The following NXPH1 variants were observed in gnomAD, a reference collection of about 807,000 sequenced individuals.
NXPH1 encodes the protein neurexophilin-1.
NXPH1 carries 5 observed loss-of-function variants against 23.7 expected under a neutral mutation model. That is an observed-to-expected ratio of 0.21 (90% confidence interval 0.11 to 0.44). The LOEUF (loss-of-function observed/expected upper bound fraction) is 0.44, where lower values mean the gene tolerates loss of function less well. Ranked by LOEUF, NXPH1 falls within the 20% of genes least tolerant of loss-of-function variation. The pLI, the probability that NXPH1 is intolerant of heterozygous loss-of-function variation, is 0.99. For synonymous variants in NXPH1, 144 were observed against 122.2 expected, an observed-to-expected ratio of 1.18 and a Z score of -1.18; for missense variants, 324 against 321.6, an observed-to-expected ratio of 1.01 and a Z score of -0.06.
chr7:8,620,426 C>T (rs1209360314), intron 2 of NXPH1, among the ~76,000 whole-genome samples: 4 of 152,168 alleles, frequency 2.6e-5, no homozygotes, highest in Admixed American at 6.5e-5. Flanking sequence ...GCTGCCTCTT[C>T]TTGTCATGGT....
chr7:8,598,197 G>T (rs944626233), intron 2 of NXPH1, among the ~76,000 whole-genome samples: 6 of 152,144 alleles, frequency 3.9e-5, no homozygotes, highest in African/African-American at 1.4e-4. Flanking sequence ...CCATGAAATT[G>T]TTCAATTATT....
chr7:8,573,613 A>T (rs1405085068), intron 2 of NXPH1, among the ~76,000 whole-genome samples: 5 of 152,156 alleles, frequency 3.3e-5, no homozygotes, highest in Admixed American at 2.6e-4. Flanking sequence ...CAGGTTATGG[A>T]AGCTCTTAAA....
chr7:8,725,213 G>C (rs1780030740), intron 2 of NXPH1, among the ~76,000 whole-genome samples: 1 of 152,206 alleles, frequency 6.6e-6, no homozygotes, highest in South Asian at 2.1e-4. Context: ...TTGTAGGACA[G>C]GCGCTGTGAC....
At chr7:8,743,865 C>T (rs949840968) in intron 2 of NXPH1, among the ~76,000 whole-genome samples, 5 of 151,676 alleles carry the variant, frequency 3.3e-5, no homozygotes, top group Non-Finnish European at 5.9e-5. Flanking sequence ...TTTGTATTTT[C>T]AGTAGAGACG....
At chr7:8,595,997 C>T (rs1562417998) in intron 2 of NXPH1, among the ~76,000 whole-genome samples, 1 of 151,924 alleles carries the variant, frequency 6.6e-6, no homozygotes, top group African/African-American at 2.4e-5. Context: ...ATTCGGATCC[C>T]TTTAAAAAAT....
At chr7:8,587,443 G>A (rs1819001696) in intron 2 of NXPH1, among the ~76,000 whole-genome samples, 1 of 152,176 alleles carries the variant, frequency 6.6e-6, no homozygotes, top group African/African-American at 2.4e-5. Flanking sequence ...ATCCAAAATA[G>A]CTGGGACTAT....
chr7:8,541,232 A>G (rs1818112093), intron 2 of NXPH1, among the ~76,000 whole-genome samples: 1 of 151,740 alleles, frequency 6.6e-6, no homozygotes, highest in Non-Finnish European at 1.5e-5. Flanking sequence ...AAAAAGACCT[A>G]AATTAAACTC....
chr7:8,450,720 C>A (rs187077538), intron 2 of NXPH1, among the ~76,000 whole-genome samples: 2 of 152,310 alleles, frequency 1.3e-5, no homozygotes, highest in East Asian at 3.9e-4. Context: ...CATCTTTCAC[C>A]TTTATGTGGA....
chr7:8,747,886 A>T (rs533785246), intron 2 of NXPH1, among the ~76,000 whole-genome samples: 2 of 152,230 alleles, frequency 1.3e-5, no homozygotes, highest in Non-Finnish European at 2.9e-5. Flanking sequence ...ATCTTTTGAA[A>T]TGCAGTACCT....
intron 2 of NXPH1, among the ~76,000 whole-genome samples, chr7:8,669,246 C>G (rs951072555): frequency 6.6e-6 from 1 of 152,130 alleles, no homozygotes; most frequent in Non-Finnish European, 1.5e-5. Context: ...GTCCCAAGAC[C>G]AGGAGTGCTT....
chr7:8,594,158 C>A (rs1049798269), intron 2 of NXPH1, among the ~76,000 whole-genome samples: 4 of 152,036 alleles, frequency 2.6e-5, no homozygotes, highest in Non-Finnish European at 4.4e-5. Context: ...CTCCACCCCC[C>A]ACGTTTACTT....
intron 2 of NXPH1, among the ~76,000 whole-genome samples, chr7:8,531,948 G>A (rs572354313): frequency 5.3e-5 from 8 of 152,188 alleles, no homozygotes; most frequent in South Asian, 4.2e-4. Context: ...CTGATCCTTC[G>A]TCTCCTTAGG....
intron 2 of NXPH1, among the ~76,000 whole-genome samples, chr7:8,482,236 T>C: frequency 6.6e-6 from 1 of 152,090 alleles, no homozygotes; most frequent in East Asian, 1.9e-4. Context: ...CCCAAATGAG[T>C]GTGTGGAATC....
chr7:8,467,587 A>T (rs2128607801), intron 2 of NXPH1, among the ~76,000 whole-genome samples: 1 of 152,252 alleles, frequency 6.6e-6, no homozygotes, highest in African/African-American at 2.4e-5. Context: ...AGGGATATAT[A>T]GCGGTGGGGG....
In NXPH1 at chr7:8,485,615, G is replaced by C. The variant is rs115457970; in HGVS notation, c.54+49848G>C. 1.5e-3 allele frequency among the ~76,000 whole-genome samples: 225 copies of C among 152,206 alleles called. 1 individual carries two copies. The highest frequency in any genetic ancestry group is 5.2e-3 in the African/African-American group (217 of 41,530). On this transcript the variant is annotated intron_variant, in intron 2 of 2. Transcript: ENST00000405863. ...AGGAGATAGGTAGGGGTGGAGGTGG[G>C]ATAGACTAGAGGTATAGTATTTTGC... is the stretch of plus-strand genomic sequence containing the variant.
intron 2 of NXPH1, among the ~76,000 whole-genome samples, chr7:8,626,999 C>T (rs1003372851): frequency 1.3e-5 from 2 of 152,080 alleles, no homozygotes; most frequent in Non-Finnish European, 2.9e-5. Flanking sequence ...CCTGTGAACG[C>T]CTCTGACTTT....
At chr7:8,627,843 A>G (rs1475842689) in intron 2 of NXPH1, among the ~76,000 whole-genome samples, 1 of 152,156 alleles carries the variant, frequency 6.6e-6, no homozygotes, top group Non-Finnish European at 1.5e-5. Flanking sequence ...AAAGAAAGCC[A>G]GAGGTACAAT....
chr7:8,632,468 G>T (rs1474292269), intron 2 of NXPH1, among the ~76,000 whole-genome samples: 1 of 152,146 alleles, frequency 6.6e-6, no homozygotes, highest in Non-Finnish European at 1.5e-5. Flanking sequence ...TTCGAGGGTT[G>T]CTTGGCAGTG....
At chr7:8,703,459 T>C (rs1446111179) in intron 2 of NXPH1, among the ~76,000 whole-genome samples, 1 of 152,134 alleles carries the variant, frequency 6.6e-6, no homozygotes, top group Non-Finnish European at 1.5e-5. Flanking sequence ...ATGCTTGTTA[T>C]CAGGAGTAGT....
Sources: allele counts gnomAD v4.1 joint callset (sites outside exome capture counted in the v4.1 genomes callset), GRCh38; gene constraint gnomAD v4.1.1; transcripts MANE v1.5; gene names NCBI Gene and HGNC (gene_info 2026-07-23, HGNC 2026-07-21).